Variants in RARA observed in about 807,000 individuals in gnomAD.
RARA encodes the protein PML-DDX5-RARA fusion.
A neutral mutation model predicts 42.8 loss-of-function variants in RARA; 5 were observed. That is an observed-to-expected ratio of 0.12 (90% CI 0.06 to 0.25). The LOEUF (loss-of-function observed/expected upper bound fraction) is 0.25, where lower values mean the gene tolerates loss of function less well. RARA is among the 10% of genes least tolerant of loss of function. The pLI is 1.00. For missense variants in RARA, 402 were observed against 628.7 expected (o/e 0.64, Z 3.86); for synonymous variants, 256 against 259.5 (o/e 0.99, Z 0.13).
intron 1 of RARA, among the ~76,000 whole-genome samples, chr17:40,327,155 C>T (rs2033570658): frequency 6.6e-6 from 1 of 152,012 alleles, no homozygotes. Flanking sequence ...AAGTTTGATT[C>T]AATTTCAAAC....
chr17:40,321,719 G>A (rs1208131593), intron 1 of RARA, among the ~76,000 whole-genome samples: 1 of 152,216 alleles, frequency 6.6e-6, no homozygotes, highest in African/African-American at 2.4e-5. Flanking sequence ...TTAGGCTGCT[G>A]CCAGGCTGGC....
chr17:40,356,110 G>C lies in RARA; in HGVS notation c.1273G>C (p.Gly425Arg). ...CTCAGAGGGCCTGGACACTCTGAGCGGACAGCCGGGGGGTGGGGGGCGGGA... is the reference window on the plus strand; with the variant it reads ...CTCAGAGGGCCTGGACACTCTGAGCCGACAGCCGGGGGGTGGGGGGCGGGA... ...ENSEGLDTLS[G>R]QPGGGGRDGG... is the part of the protein sequence containing the mutation. The change falls in exon 9 of 9, where the codon GGA becomes CGA. Residue 425 changes from glycine to arginine, a missense_variant. Transcript: ENST00000254066. 1.5e-6 allele frequency: 1 copy of C among 657,176 alleles called. No homozygotes were observed. The highest frequency in any genetic ancestry group is 2.6e-6 in the Non-Finnish European group (1 of 390,850). 40.7% of individuals were successfully genotyped at this position (657,176 alleles called of 1,614,324 possible). A position where few individuals can be genotyped will look rare whatever the true frequency, so the allele number is the denominator to read the frequency against.
At chr17:40,317,607 G>C (rs547842344) in intron 1 of RARA, among the ~76,000 whole-genome samples, 1 of 152,182 alleles carries the variant, frequency 6.6e-6, no homozygotes, top group Admixed American at 6.5e-5. Context: ...TGGGAGGGTT[G>C]GGTTGAGCCA....
In RARA at chr17:40,356,997, T is replaced by TC; in HGVS notation, c.*775dup. 1 of 383,710 alleles carries TC rather than the reference T, an allele frequency of 2.6e-6. No homozygotes were observed. The highest frequency in any genetic ancestry group is 4.9e-6 in the Non-Finnish European group (1 of 206,126). The allele number at this position is 383,710 out of a possible 1,614,324, so 23.8% of individuals were successfully genotyped here. A position where few individuals can be genotyped will look rare whatever the true frequency, so the allele number is the denominator to read the frequency against. On this transcript the variant is annotated 3_prime_UTR_variant, in exon 9 of 9. Coordinates refer to ENST00000254066, the MANE Select transcript of RARA (RefSeq NM_000964.4). ...AGTACTAACTTTCCAAGGCCTGCCT[T>TC]CCCCTCCCTCCCACTGGAGAAGCCG...
chr17:40,337,377 G>C (rs1376805612), intron 2 of RARA, among the ~76,000 whole-genome samples: 3 of 152,202 alleles, frequency 2.0e-5, no homozygotes, highest in African/African-American at 7.2e-5. Context: ...GGGGTGTAGG[G>C]AAGGCCCAAG....
At position 40,357,273 on chromosome 17, in the gene RARA, C is replaced by T. The variant is rs981123868; in HGVS notation, c.*1047C>T. The T allele has an allele frequency of 4.2e-6, 1 of 236,610 alleles. No individual in the cohort carries two copies. Among genetic ancestry groups the T allele is most frequent in the Non-Finnish European group, 8.3e-6 (1 of 120,262 alleles). 14.7% of individuals were successfully genotyped at this position (236,610 alleles called of 1,614,324 possible). A position where few individuals can be genotyped will look rare whatever the true frequency, so the allele number is the denominator to read the frequency against. ...TGGCCAGGGGCCCGAGCTGCCCCCA[C>T]CCCCGGCCTCAGCCACCAGCACCCC... On this transcript the variant is annotated 3_prime_UTR_variant, in exon 9 of 9. Transcript: ENST00000254066.
Position 40,351,815 on chromosome 17 carries a change from C to A in RARA, c.470-95C>A, listed in dbSNP as rs2034461888. On this transcript the variant is annotated intron_variant, in intron 4 of 8. Transcript: ENST00000254066. This position sits in a 1 kb window ranked among gnomAD's most constrained non-coding sequence, Gnocchi z 4.1. ...TGCGCGTGCTTACAAGCCTGGGTGA[C>A]CTCCTCAGCAGCTGGCAGCTCTCTG... 1 of 1,498,286 alleles carries A rather than the reference C, an allele frequency of 6.7e-7. No individual in the cohort carries two copies. Among genetic ancestry groups the A allele is most frequent in the Non-Finnish European group, 8.9e-7 (1 of 1,117,516 alleles). The allele number at this position is 1,498,286 out of a possible 1,614,324, so 92.8% of individuals were successfully genotyped here. A position where few individuals can be genotyped will look rare whatever the true frequency, so the allele number is the denominator to read the frequency against.
rs998159300 is a variant in RARA at position 40,354,646 on chromosome 17, G to A, written c.1012+140G>A. ...TGGTCTGCAACTACACAGCAAGGGG[G>A]CCATGTGGGGCCTGGACTCCTGTTC... On this transcript the variant is annotated intron_variant, in intron 7 of 8. Coordinates refer to ENST00000254066, the MANE Select transcript of RARA (RefSeq NM_000964.4). This position sits in a 1 kb window ranked among gnomAD's most constrained non-coding sequence, Gnocchi z 4.5. 8.6e-6 allele frequency: 9 copies of A among 1,041,080 alleles called. No homozygotes were observed. In the Admixed American group the frequency reaches 1.3e-4, roughly 15 times the overall value. 64.5% of individuals were successfully genotyped at this position (1,041,080 alleles called of 1,614,324 possible).
Position 40,355,478 on chromosome 17 carries a change from C to A in RARA, c.1171+57C>A. 1 of 1,549,194 alleles carries A rather than the reference C, an allele frequency of 6.5e-7. No individual in the cohort carries two copies. ...CCCCGACACCTGGCCCAGGCCCCCA[C>A]ATCCAAGCCAGCACCCCATGTCTTT... On this transcript the variant is annotated intron_variant, in intron 8 of 8. Transcript: ENST00000254066. This position sits in a 1 kb window ranked among gnomAD's most constrained non-coding sequence, Gnocchi z 4.1.
chr17:40,347,042 C>G (rs534416012), intron 2 of RARA, among the ~76,000 whole-genome samples: 52 of 152,304 alleles, frequency 3.4e-4, no homozygotes, highest in African/African-American at 1.2e-3. Flanking sequence ...CCTGGTGTTC[C>G]CATGCTTCCT....
chr17:40,325,852 GAGAA>G (rs1210215138), intron 1 of RARA, among the ~76,000 whole-genome samples: 3 of 152,216 alleles, frequency 2.0e-5, no homozygotes, highest in Non-Finnish European at 2.9e-5. Context: ...GGAGAACAGA[GAGAA>G]TGAATGAGGA....
chr17:40,338,252 G>A (rs2033916607), intron 2 of RARA, among the ~76,000 whole-genome samples: 1 of 152,244 alleles, frequency 6.6e-6, no homozygotes, highest in Admixed American at 6.5e-5. Flanking sequence ...TGTGGGAAGA[G>A]GAAGTGGTTT....
At position 40,331,366 on chromosome 17, in the gene RARA, G is replaced by A. The variant is rs2143279055; in HGVS notation, c.148G>A (p.Val50Ile). The A allele has an allele frequency of 5.6e-6, 9 of 1,613,970 alleles. No homozygotes were observed. The highest frequency in any genetic ancestry group is 1.3e-5 in the African/African-American group (1 of 75,048). ...GACCACTCTCCAGCACCAGCTTCCAGTTAGTGGATATAGCACACCATCCCC... is the reference window on the plus strand; with the variant it reads ...GACCACTCTCCAGCACCAGCTTCCAATTAGTGGATATAGCACACCATCCCC... ...ALTTLQHQLP[V>I]SGYSTPSPAT... The change falls in exon 2 of 9, where the codon GTT (valine) becomes ATT (isoleucine). Residue 50 changes from valine (V) to isoleucine (I), a missense_variant. By Grantham distance (29) the Val-to-Ile change is conservative. Coordinates refer to ENST00000254066, the MANE Select transcript of RARA (RefSeq NM_000964.4).
chr17:40,353,713 G>T lies in RARA; in HGVS notation c.808-589G>T, dbSNP rs187777055. ...TCAGGTGATCCTCCCGCGTGAGCCG[G>T]CAGACTGTCATTTCTCCATGGGCAC... On this transcript the variant is annotated intron_variant, in intron 6 of 8. Transcript: ENST00000254066. Among the ~76,000 whole-genome samples, 298 of 152,290 alleles carry T rather than the reference G, an allele frequency of 2.0e-3. 3 individuals carry two copies. Among genetic ancestry groups the T allele is most frequent in the African/African-American group, 6.5e-3 (272 of 41,554 alleles).
At chr17:40,349,575 C>T (rs1212432951) in intron 3 of RARA, 4 of 578,412 alleles carry the variant, frequency 6.9e-6, no homozygotes, top group Non-Finnish European at 1.2e-5. Flanking sequence ...GCCCATCCTG[C>T]AGTGTTGAGG....
chr17:40,351,631 G>A lies in RARA; in HGVS notation c.470-279G>A, dbSNP rs1456036123. On this transcript the variant is annotated intron_variant, in intron 4 of 8. Transcript: ENST00000254066. The surrounding 1 kb of genome is among the most constrained non-coding windows in gnomAD (Gnocchi z 4.1). ...GTGTGAGCTGGAGTAGACGCGTGGG[G>A]GATAGCATGCGGCTGGCTATGGGGT... is the stretch of plus-strand genomic sequence containing the variant. The A allele has an allele frequency of 2.1e-5, 11 of 526,728 alleles. No individual in the cohort carries two copies. The highest frequency in any genetic ancestry group is 3.5e-5 in the Non-Finnish European group (10 of 284,094). The allele number at this position is 526,728 out of a possible 1,614,324, so 32.6% of individuals were successfully genotyped here. A position where few individuals can be genotyped will look rare whatever the true frequency, so the allele number is the denominator to read the frequency against.
intron 2 of RARA, chr17:40,341,443 A>G (rs1158005268): frequency 2.0e-6 from 3 of 1,526,948 alleles, no homozygotes; most frequent in Non-Finnish European, 2.6e-6. Context: ...ACAGCGTCCG[A>G]GCTGCACAAT....
At chr17:40,338,395 T>C (rs927573817) in intron 2 of RARA, among the ~76,000 whole-genome samples, 1 of 152,064 alleles carries the variant, frequency 6.6e-6, no homozygotes, top group Admixed American at 6.5e-5. Flanking sequence ...ATAGAGGTGC[T>C]CCCCTCCCCA....
intron 1 of RARA, among the ~76,000 whole-genome samples, chr17:40,313,827 C>T (rs1182241673): frequency 6.6e-6 from 1 of 152,080 alleles, no homozygotes; most frequent in Non-Finnish European, 1.5e-5. Context: ...ATTTATCATA[C>T]CCCCCATCAA....
Sources: gnomAD v4.1 joint callset for allele counts (sites outside exome capture counted in the v4.1 genomes callset) on GRCh38, gnomAD v4.1.1 for gene constraint, Gnocchi (gnomAD v3.1) non-coding constraint, MANE v1.5 for transcripts, NCBI Gene and HGNC (gene_info 2026-07-23, HGNC 2026-07-21) for gene names.